Variants in ITGA9 observed in about 807,000 individuals in gnomAD.
The protein encoded by ITGA9 is integrin alpha-9.
A neutral mutation model predicts 127.8 loss-of-function variants in ITGA9; 56 were observed. The observed-to-expected ratio is 0.44, with a 90% CI of 0.35 to 0.55. The LOEUF (loss-of-function observed/expected upper bound fraction) is 0.55. ITGA9 is among the 20% of genes least tolerant of loss of function. The probability of loss-of-function intolerance (pLI) is 0.00; values close to 1 mark genes in which losing one functional copy is unlikely to be tolerated. For synonymous variants in ITGA9, 508 were observed against 514.5 expected (o/e 0.99, Z 0.17); for missense variants, 1,196 against 1,347.1 (o/e 0.89, Z 1.76).
chr3:37,794,659 C>T (rs1265738551), intron 26 of ITGA9, among the ~76,000 whole-genome samples: 1 of 152,190 alleles, frequency 6.6e-6, no homozygotes, highest in Non-Finnish European at 1.5e-5. Context: ...GTAAACCTCT[C>T]AGCATGGTGC....
chr3:37,669,419 T>C (rs1470618312), intron 17 of ITGA9, among the ~76,000 whole-genome samples: 1 of 152,248 alleles, frequency 6.6e-6, no homozygotes, highest in Non-Finnish European at 1.5e-5. Context: ...ACTCCTGCCC[T>C]GTCCCTGCCC....
intron 22 of ITGA9, chr3:37,748,955 A>C (rs1696545648): frequency 3.1e-6 from 2 of 641,638 alleles, no homozygotes; most frequent in Non-Finnish European, 5.6e-6. Flanking sequence ...AAAAAAGAAA[A>C]AAGAAAAATC....
intron 23 of ITGA9, among the ~76,000 whole-genome samples, chr3:37,776,395 T>G (rs1696908236): frequency 6.6e-6 from 1 of 152,202 alleles, no homozygotes; most frequent in African/African-American, 2.4e-5. Context: ...AATAAAAAGT[T>G]GAAACATTCT....
chr3:37,694,670 G>A (rs1700866025), intron 18 of ITGA9, among the ~76,000 whole-genome samples: 1 of 152,144 alleles, frequency 6.6e-6, no homozygotes, highest in Non-Finnish European at 1.5e-5. Flanking sequence ...ATCTGTGGGG[G>A]GAATTTAGAA....
At chr3:37,802,499 C>T (rs373613690) in intron 26 of ITGA9, among the ~76,000 whole-genome samples, 385 of 152,254 alleles carry the variant, frequency 2.5e-3, no homozygotes, top group African/African-American at 8.9e-3. Context: ...CTGTGGTTGG[C>T]CAGCCTGTCT....
At chr3:37,692,230 C>G (rs1177170922) in intron 18 of ITGA9, among the ~76,000 whole-genome samples, 1 of 152,166 alleles carries the variant, frequency 6.6e-6, no homozygotes, top group African/African-American at 2.4e-5. Flanking sequence ...CTTTATAGCT[C>G]ATTCATTTAC....
intron 15 of ITGA9, among the ~76,000 whole-genome samples, chr3:37,584,282 G>A (rs1575157810): frequency 6.6e-6 from 1 of 152,194 alleles, no homozygotes; most frequent in South Asian, 2.1e-4. Flanking sequence ...GCAGAAACAT[G>A]TGAGACCTCT....
chr3:37,571,052 T>C (rs1171762264), intron 15 of ITGA9, among the ~76,000 whole-genome samples: 1 of 152,212 alleles, frequency 6.6e-6, no homozygotes, highest in Non-Finnish European at 1.5e-5. Context: ...GGAGTGGTAA[T>C]TTAGAAGAAA....
At chr3:37,523,688 A>G (rs895245254) in intron 12 of ITGA9, 77 bp downstream of exon 12, 3 of 1,015,628 alleles carry the variant, frequency 3.0e-6, no homozygotes, top group Non-Finnish European at 4.7e-6. Flanking sequence ...CAGTCTGGTT[A>G]GCAATCATCA....
chr3:37,672,426 T>C (rs1448237341), intron 17 of ITGA9, among the ~76,000 whole-genome samples: 3 of 152,190 alleles, frequency 2.0e-5, no homozygotes, highest in African/African-American at 7.2e-5. Flanking sequence ...GTGACTTTGC[T>C]TCTCATTCAC....
At chr3:37,525,458 G>A (rs1367370611) in intron 12 of ITGA9, among the ~76,000 whole-genome samples, 1 of 152,096 alleles carries the variant, frequency 6.6e-6, no homozygotes, top group Non-Finnish European at 1.5e-5. Flanking sequence ...GATACCATGA[G>A]ATACTCAGGT....
chr3:37,584,539 G>C (rs1699738759), intron 15 of ITGA9, among the ~76,000 whole-genome samples: 1 of 152,126 alleles, frequency 6.6e-6, no homozygotes, highest in Admixed American at 6.5e-5. Flanking sequence ...GGTGGATCAT[G>C]AGGTCAAGAG....
intron 5 of ITGA9, 102 bp from the exon 6 acceptor site, chr3:37,503,076 G>C (rs1450862509): frequency 4.4e-6 from 6 of 1,378,316 alleles, no homozygotes; most frequent in Non-Finnish European, 6.1e-6. Context: ...AAAGTTCTTG[G>C]TGTGAGGAAT....
intron 17 of ITGA9, among the ~76,000 whole-genome samples, chr3:37,677,125 T>C (rs1278416824): frequency 6.6e-6 from 1 of 152,230 alleles, no homozygotes; most frequent in African/African-American, 2.4e-5. Context: ...GTTTATTTCC[T>C]GGGTAATTCA....
intron 15 of ITGA9, among the ~76,000 whole-genome samples, chr3:37,598,845 G>T (rs1699891723): frequency 6.6e-6 from 1 of 152,158 alleles, no homozygotes; most frequent in Non-Finnish European, 1.5e-5. Context: ...TGAACCTAAG[G>T]CTGGGACACT....
intron 4 of ITGA9, among the ~76,000 whole-genome samples, chr3:37,485,052 G>A (rs1698595218): frequency 6.6e-6 from 1 of 152,132 alleles, no homozygotes; most frequent in African/African-American, 2.4e-5. Context: ...CACAGTTCCA[G>A]CTACCAAGAA....
chr3:37,748,951 GAAAA>G, intron 22 of ITGA9: 1 of 608,638 alleles, frequency 1.6e-6, no homozygotes, highest in Admixed American at 2.8e-5. Flanking sequence ...AAAAAAAAAA[GAAAA>G]AAGAAAAATC....
intron 15 of ITGA9, among the ~76,000 whole-genome samples, chr3:37,582,819 AAAG>A (rs1293369418): frequency 2.6e-5 from 4 of 152,226 alleles, no homozygotes; most frequent in African/African-American, 7.2e-5. Context: ...ACAACCCACA[AAAG>A]AAGATGTCTG....
At chr3:37,512,523 T>C (rs1698943593) in intron 8 of ITGA9, among the ~76,000 whole-genome samples, 1 of 151,294 alleles carries the variant, frequency 6.6e-6, no homozygotes, top group African/African-American at 2.4e-5. Flanking sequence ...TCTTCTTTTA[T>C]TTTTTTTTAA....
Sources: gnomAD v4.1 joint callset for allele counts (sites outside exome capture counted in the v4.1 genomes callset) on GRCh38, gnomAD v4.1.1 for gene constraint, MANE v1.5 for transcripts, NCBI Gene and HGNC (gene_info 2026-07-23, HGNC 2026-07-21) for gene names.